NRG3: variants seen among roughly 807,000 people sequenced by gnomAD.
NRG3 encodes the protein neuregulin 3, also known as pro-neuregulin-3, membrane-bound isoform.
Under a neutral mutation model 66.9 loss-of-function variants are expected in NRG3, and 31 were observed. The ratio of observed to expected loss-of-function variants is 0.46; its 90% CI spans 0.35 to 0.63. The LOEUF is 0.63. Ranked by LOEUF, NRG3 falls within the 20% of genes least tolerant of loss-of-function variation. NRG3 has a pLI of 0.00. For missense variants in NRG3, 910 were observed against 878.9 expected, an observed-to-expected ratio of 1.04 and a Z score of -0.45; for synonymous variants, 393 against 359.4, an observed-to-expected ratio of 1.09 and a Z score of -1.06.
intron 8 of NRG3, among the ~76,000 whole-genome samples, chr10:82,984,034 A>G (rs1045499088): frequency 1.3e-5 from 2 of 152,266 alleles, no homozygotes; most frequent in African/African-American, 4.8e-5. Context: ...TTTCATTTAC[A>G]TAATAATGGC....
intron 6 of NRG3, among the ~76,000 whole-genome samples, chr10:82,959,350 A>T (rs527422002): frequency 6.6e-6 from 1 of 152,306 alleles, no homozygotes; most frequent in South Asian, 2.1e-4. Flanking sequence ...TCCCATGAAC[A>T]CTTGTTGAAT....
At chr10:82,306,796 G>A (rs2080762253) in intron 1 of NRG3, among the ~76,000 whole-genome samples, 1 of 151,184 alleles carries the variant, frequency 6.6e-6, no homozygotes, top group African/African-American at 2.4e-5. Flanking sequence ...ATGGGACAGG[G>A]AAGGGTTCTT....
chr10:81,986,771 A>G (rs879945344), intron 1 of NRG3, among the ~76,000 whole-genome samples: 1 of 152,060 alleles, frequency 6.6e-6, no homozygotes, highest in East Asian at 1.9e-4. Flanking sequence ...TGCCATCTTG[A>G]TCTACTGGGC....
chr10:82,192,685 C>T (rs1470237529), intron 1 of NRG3, among the ~76,000 whole-genome samples: 2 of 152,088 alleles, frequency 1.3e-5, no homozygotes, highest in African/African-American at 4.8e-5. Context: ...ATTTAATAAG[C>T]ATTTATTGAG....
intron 2 of NRG3, among the ~76,000 whole-genome samples, chr10:82,612,337 T>G (rs2048364624): frequency 1.3e-5 from 2 of 152,128 alleles, no homozygotes; most frequent in South Asian, 4.2e-4. Context: ...TTCCTCCTCC[T>G]CTTTTTTTTA....
At chr10:82,288,016 T>G (rs2079521177) in intron 1 of NRG3, among the ~76,000 whole-genome samples, 1 of 152,212 alleles carries the variant, frequency 6.6e-6, no homozygotes, top group African/African-American at 2.4e-5. Flanking sequence ...TTAGTAAATT[T>G]CTGTGGATGC....
intron 2 of NRG3, among the ~76,000 whole-genome samples, chr10:82,528,101 T>A (rs948491864): frequency 6.6e-6 from 1 of 152,106 alleles, no homozygotes; most frequent in African/African-American, 2.4e-5. Context: ...TAAATTTCAC[T>A]TAGGGGACAA....
intron 1 of NRG3, chr10:82,232,750 G>C (rs1234275771): frequency 2.8e-6 from 2 of 717,318 alleles, no homozygotes; most frequent in Admixed American, 4.0e-5. Flanking sequence ...AGGTCCTAGA[G>C]ACAGGAGGCA....
At chr10:82,817,546 A>G (rs2061766287) in intron 3 of NRG3, among the ~76,000 whole-genome samples, 1 of 151,994 alleles carries the variant, frequency 6.6e-6, no homozygotes, top group Admixed American at 6.6e-5. Flanking sequence ...ACTCCTGGTT[A>G]TTTTGTCCAA....
At chr10:82,292,970 C>G (rs1242351194) in intron 1 of NRG3, among the ~76,000 whole-genome samples, 1 of 152,102 alleles carries the variant, frequency 6.6e-6, no homozygotes, top group African/African-American at 2.4e-5. Flanking sequence ...TAAGATATTA[C>G]CTTTGGGAGA....
intron 1 of NRG3, among the ~76,000 whole-genome samples, chr10:82,357,011 A>G (rs968814374): frequency 6.6e-6 from 1 of 152,172 alleles, no homozygotes; most frequent in African/African-American, 2.4e-5. Flanking sequence ...CAAAGAAAGG[A>G]TTACTTGCAG....
At position 82,252,831 on chromosome 10, in the gene NRG3, T is replaced by C. The variant is rs866959747; in HGVS notation, c.824-105908T>C. Among the ~76,000 whole-genome samples, 16 of 152,304 alleles carry C rather than the reference T, an allele frequency of 1.1e-4. No individual in the cohort carries two copies. In the Middle Eastern group the frequency reaches 0.014, roughly 130 times the overall value. ...ATGCCTCTGGCTCCAGCTTGCTCCATTGAGTTTCACACCTGGCTGTATTAC... is the reference window on the plus strand; with the variant it reads ...ATGCCTCTGGCTCCAGCTTGCTCCACTGAGTTTCACACCTGGCTGTATTAC... On this transcript the variant is annotated intron_variant, in intron 1 of 8. Coordinates refer to ENST00000372141, the MANE Select transcript of NRG3 (RefSeq NM_001010848.4).
At chr10:82,698,128 C>T (rs541037822) in intron 2 of NRG3, among the ~76,000 whole-genome samples, 1 of 152,206 alleles carries the variant, frequency 6.6e-6, no homozygotes, top group Admixed American at 6.6e-5. Context: ...TATGGTGAAA[C>T]ATGTAAATAA....
intron 1 of NRG3, chr10:81,878,162 T>C: frequency 7.3e-7 from 1 of 1,361,352 alleles, no homozygotes; most frequent in Non-Finnish European, 9.7e-7. Flanking sequence ...GCCTGTTTAA[T>C]AAGTAATGAT....
chr10:82,563,290 G>C (rs568716558), intron 2 of NRG3, among the ~76,000 whole-genome samples: 2 of 151,878 alleles, frequency 1.3e-5, no homozygotes, highest in African/African-American at 4.8e-5. Context: ...GTACATATGC[G>C]TGCTTAACAG....
intron 2 of NRG3, among the ~76,000 whole-genome samples, chr10:82,555,371 G>T (rs187048035): frequency 4.6e-5 from 7 of 152,124 alleles, no homozygotes; most frequent in Admixed American, 4.6e-4. Flanking sequence ...ACAGAAGATG[G>T]GCTTTACTTT....
intron 1 of NRG3, among the ~76,000 whole-genome samples, chr10:81,923,565 C>G (rs1387085288): frequency 6.6e-6 from 1 of 152,186 alleles, no homozygotes; most frequent in Admixed American, 6.5e-5. Flanking sequence ...CCAGGTGCCT[C>G]TCAAACCTGA....
chr10:82,352,206 C>G (rs1036996057), intron 1 of NRG3, among the ~76,000 whole-genome samples: 3 of 152,196 alleles, frequency 2.0e-5, no homozygotes, highest in Non-Finnish European at 2.9e-5. Flanking sequence ...CACAAACACA[C>G]ACACACATAC....
intron 1 of NRG3, among the ~76,000 whole-genome samples, chr10:82,029,270 T>TG: frequency 6.6e-6 from 1 of 152,208 alleles, no homozygotes; most frequent in South Asian, 2.1e-4. Context: ...GGCTGTGTGC[T>TG]GTGGAGAAAT....
Sources: allele counts gnomAD v4.1 joint callset (sites outside exome capture counted in the v4.1 genomes callset), GRCh38; gene constraint gnomAD v4.1.1; transcripts MANE v1.5; gene names NCBI Gene and HGNC (gene_info 2026-07-23, HGNC 2026-07-21).